CRPPA: variants seen among roughly 807,000 people sequenced by gnomAD.
The protein encoded by CRPPA is CDP-L-ribitol pyrophosphorylase A.
In CRPPA, 43 loss-of-function variants were observed where a neutral mutation model predicts 52.0. That is an observed-to-expected ratio of 0.83 (90% CI 0.65 to 1.07). The LOEUF is 1.07. Among genes scored for constraint, CRPPA ranks in the 50% least tolerant of loss-of-function variants. The pLI is 0.00. For synonymous variants in CRPPA, 250 were observed against 203.5 expected, an observed-to-expected ratio of 1.23 and a Z score of -1.94; for missense variants, 629 against 551.7, an observed-to-expected ratio of 1.14 and a Z score of -1.40.
At chr7:16,093,523 G>A (rs6945873) in intron 9 of CRPPA, among the ~76,000 whole-genome samples, 120,078 of 152,010 alleles carry the variant, frequency 0.79, 48,812 homozygotes, top group Admixed American at 0.88. Flanking sequence ...ATTGTGTTCT[G>A]AGGGGTGGAG....
At chr7:16,372,037 A>T (rs989991743) in intron 3 of CRPPA, among the ~76,000 whole-genome samples, 1 of 152,148 alleles carries the variant, frequency 6.6e-6, no homozygotes, top group African/African-American at 2.4e-5. Context: ...AAAAAGAACA[A>T]AGTCTCCAAG....
chr7:16,384,772 G>A (rs1787208865), intron 2 of CRPPA, among the ~76,000 whole-genome samples: 1 of 152,050 alleles, frequency 6.6e-6, no homozygotes, highest in South Asian at 2.1e-4. Flanking sequence ...AACAAGTCAT[G>A]CATCCAAATA....
chr7:16,379,643 C>G (rs890998740), intron 2 of CRPPA, among the ~76,000 whole-genome samples: 52 of 152,124 alleles, frequency 3.4e-4, no homozygotes, highest in East Asian at 9.7e-4. Context: ...TCTTCCATTT[C>G]TTTGTATCCT....
At chr7:16,392,336 C>T (rs2128315033) in intron 2 of CRPPA, among the ~76,000 whole-genome samples, 1 of 152,248 alleles carries the variant, frequency 6.6e-6, no homozygotes, top group East Asian at 1.9e-4. Context: ...AATATTATAT[C>T]ATCACCCATG....
chr7:16,329,407 C>T (rs369753247), intron 3 of CRPPA, among the ~76,000 whole-genome samples: 10 of 152,254 alleles, frequency 6.6e-5, no homozygotes, highest in South Asian at 2.1e-4. Flanking sequence ...GCCCTGGAAG[C>T]CACAAAATAT....
At chr7:16,105,774 G>C (rs1782139100) in intron 9 of CRPPA, among the ~76,000 whole-genome samples, 1 of 152,126 alleles carries the variant, frequency 6.6e-6, no homozygotes, top group Admixed American at 6.5e-5. Flanking sequence ...CAAAGATCCT[G>C]TACAGGCAGA....
chr7:16,193,723 T>C lies in CRPPA; in HGVS notation c.1251+22343A>G, dbSNP rs934910512. Among the ~76,000 whole-genome samples the C allele has an allele frequency of 4.6e-5, 7 of 152,068 alleles. 1 individual carries two copies. Among genetic ancestry groups the C allele is most frequent in the African/African-American group, 1.7e-4 (7 of 41,418 alleles). On this transcript the variant is annotated intron_variant, in intron 9 of 9. Transcript: ENST00000407010. Reference sequence around the variant, plus strand: ...AGGTATGTATACACACACTCAGGCATATATATAAAAGTCTTTACAAATCAA... The same window carrying C: ...AGGTATGTATACACACACTCAGGCACATATATAAAAGTCTTTACAAATCAA...
intron 9 of CRPPA, among the ~76,000 whole-genome samples, chr7:16,131,554 C>T (rs531028574): frequency 5.3e-5 from 8 of 152,234 alleles, no homozygotes; most frequent in African/African-American, 1.7e-4. Flanking sequence ...CAGCCATGTG[C>T]AGAGTGCCCA....
intron 3 of CRPPA, among the ~76,000 whole-genome samples, chr7:16,365,874 C>G (rs1439104607): frequency 6.6e-6 from 1 of 152,092 alleles, no homozygotes; most frequent in African/African-American, 2.4e-5. Flanking sequence ...AGGATGTATA[C>G]AAAACCCTAC....
chr7:16,204,036 C>T (rs750901639), intron 9 of CRPPA, among the ~76,000 whole-genome samples: 42 of 152,160 alleles, frequency 2.8e-4, no homozygotes, highest in South Asian at 4.1e-4. Flanking sequence ...TTAAAAATTG[C>T]GTATCTATGT....
intron 9 of CRPPA, among the ~76,000 whole-genome samples, chr7:16,148,230 CT>C (rs1783011443): frequency 6.6e-6 from 1 of 152,094 alleles, no homozygotes; most frequent in Non-Finnish European, 1.5e-5. Flanking sequence ...AAAGTACAAC[CT>C]CCAATTTCTC....
chr7:16,204,630 A>G (rs1158363426), intron 9 of CRPPA, among the ~76,000 whole-genome samples: 1 of 152,150 alleles, frequency 6.6e-6, no homozygotes, highest in African/African-American at 2.4e-5. Flanking sequence ...ATACAACAAA[A>G]AAAACAAAAC....
At chr7:16,315,113 CA>C (rs1785117681) in intron 3 of CRPPA, among the ~76,000 whole-genome samples, 1 of 152,128 alleles carries the variant, frequency 6.6e-6, no homozygotes, top group African/African-American at 2.4e-5. Context: ...GATATATACT[CA>C]AGCTGAGATA....
chr7:16,222,968 A>G (rs932255322), intron 8 of CRPPA, among the ~76,000 whole-genome samples: 3 of 152,100 alleles, frequency 2.0e-5, no homozygotes, highest in Non-Finnish European at 4.4e-5. Context: ...CCTCTTTTCT[A>G]ACTATTTTTA....
intron 3 of CRPPA, among the ~76,000 whole-genome samples, chr7:16,354,186 T>C (rs138254820): frequency 6.6e-6 from 1 of 152,186 alleles, no homozygotes; most frequent in African/African-American, 2.4e-5. Flanking sequence ...TGGAAACAAA[T>C]GATGGCAAGA....
chr7:16,262,816 G>A (rs747643837), intron 6 of CRPPA, among the ~76,000 whole-genome samples: 3 of 152,082 alleles, frequency 2.0e-5, no homozygotes, highest in East Asian at 1.9e-4. Context: ...GGAGATCCAC[G>A]GGCAGGGTTT....
At chr7:16,387,070 T>TATATACAC (rs1554352521) in intron 2 of CRPPA, among the ~76,000 whole-genome samples, 8 of 67,586 alleles carry the variant, frequency 1.2e-4, no homozygotes, top group African/African-American at 6.7e-4. Context: ...TATATATATA[T>TATATACAC]ATATATATAT....
At chr7:16,420,417 A>G (rs1241735423) in intron 1 of CRPPA, among the ~76,000 whole-genome samples, 1 of 152,060 alleles carries the variant, frequency 6.6e-6, no homozygotes, top group Non-Finnish European at 1.5e-5. Context: ...GCTCCTCACG[A>G]CTGTTCCCCT....
intron 9 of CRPPA, among the ~76,000 whole-genome samples, chr7:16,177,659 C>A (rs893569997): frequency 2.6e-4 from 39 of 152,154 alleles, no homozygotes; most frequent in African/African-American, 8.9e-4. Context: ...TCTAAGGCAT[C>A]TTGTTATAGT....
Sources: allele counts gnomAD v4.1 joint callset (sites outside exome capture counted in the v4.1 genomes callset), GRCh38; gene constraint gnomAD v4.1.1; transcripts MANE v1.5; gene names NCBI Gene and HGNC (gene_info 2026-07-23, HGNC 2026-07-21).